ERC1: variants seen among roughly 807,000 people sequenced by gnomAD.
ERC1 encodes ELKS/RAB6-interacting/CAST family member 1.
A neutral mutation model predicts 132.0 loss-of-function variants in ERC1; 56 were observed. That is an observed-to-expected ratio of 0.42 (90% CI 0.34 to 0.53). The LOEUF (loss-of-function observed/expected upper bound fraction) is 0.53, where lower values mean the gene tolerates loss of function less well. Among genes scored for constraint, ERC1 ranks in the 20% least tolerant of loss-of-function variants. The pLI, the probability that ERC1 is intolerant of heterozygous loss-of-function variation, is 0.03. For missense variants in ERC1, 1,202 were observed against 1,349.9 expected, an observed-to-expected ratio of 0.89 and a Z score of 1.72; for synonymous variants, 478 against 476.1, an observed-to-expected ratio of 1.00 and a Z score of -0.05.
Position 1,305,213 on chromosome 12 carries a change from C to G in ERC1, c.2780+15201C>G, listed in dbSNP as rs1340999063. On this transcript the variant is annotated intron_variant, in intron 15 of 18. Coordinates refer to ENST00000360905, the MANE Select transcript of ERC1 (RefSeq NM_178040.4). ...TCTCTCTCTGGGGACTTAGTACACT[C>G]ACTCTTTCTGGACCAGTTTTTATGT... Among the ~76,000 whole-genome samples the G allele has an allele frequency of 4.6e-5, 7 of 152,188 alleles. No homozygotes were observed. The East Asian group carries it at 1.3e-3, about 29-fold the overall frequency.
chr12:1,420,925 G>A lies in ERC1; in HGVS notation c.3024+12678G>A, dbSNP rs184589591. Among the ~76,000 whole-genome samples the A allele has an allele frequency of 4.1e-5, 6 of 145,446 alleles. No individual in the cohort carries two copies. The South Asian group carries it at 6.7e-4, about 16-fold the overall frequency. On this transcript the variant is annotated intron_variant, in intron 17 of 18. Coordinates refer to ENST00000360905, the MANE Select transcript of ERC1 (RefSeq NM_178040.4). Reference sequence around the variant, plus strand: ...TGTTTGTTTGGTTTTGGTTTGGGGGGGGGGGGGGTTAATTATAAAGCATTC... The same window carrying A: ...TGTTTGTTTGGTTTTGGTTTGGGGGAGGGGGGGGTTAATTATAAAGCATTC...
intron 1 of ERC1, among the ~76,000 whole-genome samples, chr12:1,005,705 G>C (rs1963437285): frequency 6.6e-6 from 1 of 151,878 alleles, no homozygotes; most frequent in African/African-American, 2.4e-5. Flanking sequence ...CTGGTTTCCT[G>C]TTATTTTTAA....
At chr12:1,368,909 C>T (rs1431318739) in intron 15 of ERC1, among the ~76,000 whole-genome samples, 5 of 152,132 alleles carry the variant, frequency 3.3e-5, no homozygotes, top group Admixed American at 6.6e-5. Flanking sequence ...GGCACCTATA[C>T]ATGTAGAAAT....
At chr12:1,420,328 A>G (rs1307602509) in intron 17 of ERC1, among the ~76,000 whole-genome samples, 2 of 152,214 alleles carry the variant, frequency 1.3e-5, no homozygotes, top group Non-Finnish European at 2.9e-5. Context: ...TAGAAATTGG[A>G]TCCAGAAAAA....
chr12:1,042,974 T>C (rs1970500531), intron 2 of ERC1, among the ~76,000 whole-genome samples: 1 of 152,102 alleles, frequency 6.6e-6, no homozygotes, highest in South Asian at 2.1e-4. Context: ...GTCTATTTCT[T>C]ATTTTTCTAT....
chr12:1,191,321 A>G (rs1955711716), intron 12 of ERC1, among the ~76,000 whole-genome samples: 2 of 152,142 alleles, frequency 1.3e-5, no homozygotes, highest in Non-Finnish European at 2.9e-5. Context: ...ACATGTGTAT[A>G]TACCCCCTCA....
intron 2 of ERC1, among the ~76,000 whole-genome samples, chr12:1,071,836 C>T (rs1940420263): frequency 1.3e-5 from 2 of 152,190 alleles, no homozygotes; most frequent in Admixed American, 6.5e-5. Flanking sequence ...CACAGTGGCT[C>T]ACACCTTTAA....
chr12:1,208,046 C>T (rs746016792), intron 12 of ERC1, among the ~76,000 whole-genome samples: 38 of 152,164 alleles, frequency 2.5e-4, no homozygotes, highest in Non-Finnish European at 3.7e-4. Flanking sequence ...AAAATGCTAT[C>T]ACCTTCTTTA....
At chr12:1,307,339 A>G (rs1035844385) in intron 15 of ERC1, among the ~76,000 whole-genome samples, 4 of 152,164 alleles carry the variant, frequency 2.6e-5, no homozygotes, top group African/African-American at 9.7e-5. Context: ...GTGGTGTTGT[A>G]TGAATAATGA....
Position 1,261,142 on chromosome 12 carries a change from A to G in ERC1, c.2488-1892A>G, listed in dbSNP as rs529858186. Among the ~76,000 whole-genome samples, 11 of 152,254 alleles carry G rather than the reference A, an allele frequency of 7.2e-5. No individual in the cohort carries two copies. The South Asian group carries it at 2.3e-3, about 32-fold the overall frequency. On this transcript the variant is annotated intron_variant, in intron 13 of 18. Coordinates refer to ENST00000360905, the MANE Select transcript of ERC1 (RefSeq NM_178040.4). ...ACAGCCACAAAGCTATTTTTGCCCC[A>G]CGCAGATGTACAAGTGAAGTTGTTT...
chr12:1,270,853 C>T (rs935331551), intron 14 of ERC1, among the ~76,000 whole-genome samples: 1 of 151,748 alleles, frequency 6.6e-6, no homozygotes, highest in Non-Finnish European at 1.5e-5. Flanking sequence ...AAGTAAATTA[C>T]ATTAGTATAA....
rs192377964 is a variant in ERC1, at chr12:1,200,491, T to G, written c.2351+10439T>G. 2.0e-5 allele frequency among the ~76,000 whole-genome samples: 3 copies of G among 152,134 alleles called. No individual in the cohort carries two copies. The South Asian group carries it at 6.2e-4, about 32-fold the overall frequency. ...TGTGACTGTACATTAGAGAGACCAATGTATATATGTTATAAAAGAGAAGTA... is the reference window on the plus strand; with the variant it reads ...TGTGACTGTACATTAGAGAGACCAAGGTATATATGTTATAAAAGAGAAGTA... On this transcript the variant is annotated intron_variant, in intron 12 of 18. Coordinates refer to ENST00000360905, the MANE Select transcript of ERC1 (RefSeq NM_178040.4).
intron 4 of ERC1, 66 bp from the exon 5 acceptor site, chr12:1,110,126 T>C: frequency 2.3e-6 from 3 of 1,314,632 alleles, no homozygotes; most frequent in East Asian, 2.5e-5. Context: ...TCTTTAAATA[T>C]CATGTTATTC....
intron 2 of ERC1, among the ~76,000 whole-genome samples, chr12:1,047,498 T>C (rs1971266924): frequency 1.3e-5 from 2 of 152,184 alleles, no homozygotes; most frequent in Non-Finnish European, 2.9e-5. Context: ...TATTTTCGTT[T>C]TAGAGATGGC....
At chr12:1,230,795 T>C (rs925266744) in intron 12 of ERC1, among the ~76,000 whole-genome samples, 1 of 152,222 alleles carries the variant, frequency 6.6e-6, no homozygotes, top group Admixed American at 6.5e-5. Context: ...TAATATTCTC[T>C]TGATGAATTG....
chr12:1,490,351 A>G lies in ERC1; in HGVS notation c.*121A>G. 2 of 960,170 alleles carry G rather than the reference A, an allele frequency of 2.1e-6. No individual in the cohort carries two copies. The highest frequency in any genetic ancestry group is 3.1e-6 in the Non-Finnish European group (2 of 655,688). The allele number at this position is 960,170 out of a possible 1,614,324, so 59.5% of individuals were successfully genotyped here. On this transcript the variant is annotated 3_prime_UTR_variant, in exon 19 of 19. Coordinates refer to ENST00000360905, the MANE Select transcript of ERC1 (RefSeq NM_178040.4). Reference sequence around the variant, plus strand: ...CTACAAACTTCATCCCAACTTGCTCACTTGAAGAAGTGTGATTCCAGCACC... The same window carrying G: ...CTACAAACTTCATCCCAACTTGCTCGCTTGAAGAAGTGTGATTCCAGCACC...
chr12:1,220,481 A>G (rs540305004), intron 12 of ERC1, among the ~76,000 whole-genome samples: 5 of 152,340 alleles, frequency 3.3e-5, no homozygotes, highest in Non-Finnish European at 7.3e-5. Context: ...GTGGCTTTAC[A>G]TCAGTTGAGA....
At chr12:1,251,929 CTCT>C (rs1416138449) in intron 13 of ERC1, among the ~76,000 whole-genome samples, 3 of 152,206 alleles carry the variant, frequency 2.0e-5, no homozygotes, top group Middle Eastern at 3.4e-3. Context: ...GTTGTGTGAG[CTCT>C]TCTTGGTTTG....
intron 15 of ERC1, among the ~76,000 whole-genome samples, chr12:1,308,582 G>T (rs2081057538): frequency 6.6e-6 from 1 of 152,008 alleles, no homozygotes; most frequent in South Asian, 2.1e-4. Context: ...ATACTTAACA[G>T]TTCCTAACAG....
Sources: allele counts gnomAD v4.1 joint callset (sites outside exome capture counted in the v4.1 genomes callset), GRCh38; gene constraint gnomAD v4.1.1; transcripts MANE v1.5; gene names NCBI Gene and HGNC (gene_info 2026-07-23, HGNC 2026-07-21).